The following ACOT1 variants were observed in gnomAD, a reference collection of about 807,000 sequenced individuals.
ACOT1 encodes acyl-CoA thioesterase 1.
A neutral mutation model predicts 15.7 loss-of-function variants in ACOT1; 8 were observed. That is an observed-to-expected ratio of 0.51 (90% CI 0.30 to 0.92). ACOT1 has a LOEUF of 0.92. Among genes scored for constraint, ACOT1 ranks in the 40% least tolerant of loss-of-function variants. The probability of loss-of-function intolerance (pLI) is 0.06; values close to 1 mark genes in which losing one functional copy is unlikely to be tolerated. For synonymous variants in ACOT1, 67 were observed against 241.2 expected (o/e 0.28, Z 6.69); for missense variants, 151 against 539.4 (o/e 0.28, Z 7.13).
the ACOT1 span, chr14:73,522,548 C>T: frequency 6.2e-7 from 1 of 1,614,152 alleles, no homozygotes; most frequent in Non-Finnish European, 8.5e-7. Context: ...AGTGGCCTCC[C>T]ACGCTCTGGC....
At chr14:73,494,575 G>C in the ACOT1 span, among the ~76,000 whole-genome samples, 1 of 152,104 alleles carries the variant, frequency 6.6e-6, no homozygotes, top group Non-Finnish European at 1.5e-5. Context: ...GTTTGAGACA[G>C]GGTCCCACTT....
the ACOT1 span, chr14:73,491,141 C>A: frequency 6.2e-7 from 1 of 1,607,972 alleles, no homozygotes; most frequent in Non-Finnish European, 8.5e-7. Context: ...GATACGAAAG[C>A]AGCTGCGAAG....
intron 1 of ACOT1, 49 bp downstream of exon 1, chr14:73,537,927 G>C: frequency 8.8e-7 from 1 of 1,136,706 alleles, no homozygotes; most frequent in Non-Finnish European, 1.1e-6. Context: ...CTGTTCCTGC[G>C]CTTTCCACTG....
chr14:73,516,925 A>G, the ACOT1 span, among the ~76,000 whole-genome samples: 1 of 152,210 alleles, frequency 6.6e-6, no homozygotes, highest in African/African-American at 2.4e-5. Context: ...ATCTTCCACG[A>G]AACCGGTCCC....
At chr14:73,493,317 G>A in the ACOT1 span, 1 of 562,574 alleles carries the variant, frequency 1.8e-6, no homozygotes, top group Non-Finnish European at 3.2e-6. Context: ...TTCATGGGCG[G>A]GTCGGGGTCA....
chr14:73,525,571 A>G, the ACOT1 span, among the ~76,000 whole-genome samples: 1 of 152,308 alleles, frequency 6.6e-6, no homozygotes, highest in East Asian at 1.9e-4. Flanking sequence ...GGCTGAAAAT[A>G]GAAAGGCTAG....
rs1305932230 is a variant in ACOT1, at chr14:73,538,481, C to T, written c.457+603C>T. On this transcript the variant is annotated intron_variant, in intron 1 of 2. Coordinates refer to ENST00000311148, the MANE Select transcript of ACOT1 (RefSeq NM_001037161.2). ...ACAAAAAATTAGCCGGGCGTGGTAGCGGGCGCCTGTCGTCCCAGCTACTCG... is the reference window on the plus strand; with the variant it reads ...ACAAAAAATTAGCCGGGCGTGGTAGTGGGCGCCTGTCGTCCCAGCTACTCG... Among the ~76,000 whole-genome samples, 2 of 111,756 alleles carry T rather than the reference C, an allele frequency of 1.8e-5. 1 individual carries two copies. Among genetic ancestry groups the T allele is most frequent in the Non-Finnish European group, 3.9e-5 (2 of 51,828 alleles). The allele number at this position is 111,756 out of a possible 152,430, so 73.3% of individuals were successfully genotyped here.
At chr14:73,510,762 G>A in the ACOT1 span, among the ~76,000 whole-genome samples, 757 of 152,212 alleles carry the variant, frequency 5.0e-3, 11 homozygotes, top group African/African-American at 0.018. Flanking sequence ...AGGCTGTCTT[G>A]AGCATTCCAC....
chr14:73,526,358 G>C, the ACOT1 span, among the ~76,000 whole-genome samples: 14 of 152,238 alleles, frequency 9.2e-5, no homozygotes, highest in African/African-American at 3.4e-4. Context: ...ATGAGTGACA[G>C]TCAGGTCACA....
the ACOT1 span, among the ~76,000 whole-genome samples, chr14:73,531,856 C>T: frequency 9.0e-6 from 1 of 111,716 alleles, no homozygotes; most frequent in Non-Finnish European, 1.9e-5. Context: ...CCCATCTCTA[C>T]TAAAAATAGA....
chr14:73,518,309 C>T, the ACOT1 span, among the ~76,000 whole-genome samples: 75 of 150,720 alleles, frequency 5.0e-4, no homozygotes, highest in Non-Finnish European at 9.4e-4. Context: ...GAGGCTGAGG[C>T]AGGGGAATTG....
the ACOT1 span, among the ~76,000 whole-genome samples, chr14:73,512,576 C>G: frequency 5.8e-4 from 89 of 152,216 alleles, no homozygotes; most frequent in African/African-American, 2.0e-3. Flanking sequence ...ATACTAGAAC[C>G]CACATATTGA....
the ACOT1 span, chr14:73,490,952 G>C: frequency 5.4e-6 from 7 of 1,285,896 alleles, no homozygotes; most frequent in East Asian, 1.3e-4. Context: ...CGCAGCCGCT[G>C]CATTCAGGAA....
the ACOT1 span, chr14:73,514,228 C>G: frequency 6.2e-7 from 1 of 1,613,978 alleles, no homozygotes; most frequent in Non-Finnish European, 8.5e-7. Flanking sequence ...TTGCACAGGT[C>G]TGTAAGCTGT....
chr14:73,523,602 T>C, the ACOT1 span, among the ~76,000 whole-genome samples: 4 of 152,242 alleles, frequency 2.6e-5, no homozygotes, highest in Admixed American at 1.3e-4. Flanking sequence ...CCTCAGTTTA[T>C]GACTTTGTCC....
the ACOT1 span, among the ~76,000 whole-genome samples, chr14:73,515,049 CAG>C: frequency 7.0e-6 from 1 of 143,266 alleles, no homozygotes; most frequent in Non-Finnish European, 1.5e-5. Context: ...GCCTGGACGA[CAG>C]AGTGAGACTC....
In ACOT1 at chr14:73,537,830, G is replaced by C. The variant is rs762802173; in HGVS notation, c.409G>C (p.Glu137Gln). Reference protein sequence around the residue: ...RYFLPPGVRREPVRAGRVRGT... With the variant: ...RYFLPPGVRRQPVRAGRVRGT... The stretch of plus-strand genomic sequence containing the variant: ...CTTCCTCCCGCCCGGGGTGCGGCGC[G>C]AGCCGGTGCGCGCGGGCCGGGTGCG... Residue 137 changes from glutamate (E) to glutamine (Q), a missense_variant, in exon 1 of 3, where the codon GAG (glutamate) becomes CAG (glutamine). Transcript: ENST00000311148. 3 of 1,210,212 alleles carry C rather than the reference G, an allele frequency of 2.5e-6. No homozygotes were observed. The highest frequency in any genetic ancestry group is 3.2e-5 in the African/African-American group (2 of 63,408). The allele number at this position is 1,210,212 out of a possible 1,614,324, so 75.0% of individuals were successfully genotyped here. A position where few individuals can be genotyped will look rare whatever the true frequency, so the allele number is the denominator to read the frequency against.
At chr14:73,512,136 G>A in the ACOT1 span, 1 of 1,614,180 alleles carries the variant, frequency 6.2e-7, no homozygotes, top group Non-Finnish European at 8.5e-7. Context: ...CTGTCTCATG[G>A]TGCCACTCTA....
At chr14:73,500,795 A>G in the ACOT1 span, 1 of 1,444,318 alleles carries the variant, frequency 6.9e-7, no homozygotes, top group Non-Finnish European at 9.6e-7. Context: ...CCCAACCCCC[A>G]CTAATGCCCT....
Sources: gnomAD v4.1 joint callset for allele counts (sites outside exome capture counted in the v4.1 genomes callset) on GRCh38, gnomAD v4.1.1 for gene constraint, MANE v1.5 for transcripts, NCBI Gene and HGNC (gene_info 2026-07-23, HGNC 2026-07-21) for gene names.